SSC5D: variants seen among roughly 807,000 people sequenced by gnomAD.
SSC5D encodes soluble scavenger receptor cysteine-rich domain-containing protein SSC5D.
SSC5D carries 106 observed loss-of-function variants against 104.6 expected under a neutral mutation model. The ratio of observed to expected loss-of-function variants is 1.01; its 90% CI spans 0.87 to 1.19. The LOEUF is 1.19. SSC5D is among the 50% of genes most tolerant of loss of function. The pLI is 0.00. For missense variants in SSC5D, 1,993 were observed against 2,153.8 expected (o/e 0.93, Z 1.48); for synonymous variants, 860 against 883.5 (o/e 0.97, Z 0.47).
Position 55,490,851 on chromosome 19 carries a change from A to T in SSC5D, c.666A>T (p.Val222=). 1 of 1,547,068 alleles carries T rather than the reference A, an allele frequency of 6.5e-7. No individual in the cohort carries two copies. Among genetic ancestry groups the T allele is most frequent in the Admixed American group, 2.0e-5 (1 of 50,590 alleles). ...EVWHGGRWGT[V]CDDGWDLRDA... ...GGCACGGCGGGCGCTGGGGCACCGT[A>T]TGTGACGATGGCTGGGACCTGCGCG... Residue 222 remains valine (V), a synonymous_variant, in exon 6 of 14, where the codon GTA becomes GTT. Transcript: ENST00000389623.
rs1308989636 is a variant in SSC5D, at chr19:55,494,602, C to T, written c.1214-8C>T. On this transcript the variant is annotated splice_region_variant and splice_polypyrimidine_tract_variant and intron_variant, in intron 7 of 13. Coordinates refer to ENST00000389623, the MANE Select transcript of SSC5D (RefSeq NM_001144950.2). ...GTGGGTGGCAATCACTTACCCCCTG[C>T]TCCACAGGCATGCCCCTGGGCTACG... is the stretch of plus-strand genomic sequence containing the variant. 1 of 1,513,008 alleles carries T rather than the reference C, an allele frequency of 6.6e-7. No individual in the cohort carries two copies. Among genetic ancestry groups the T allele is most frequent in the Non-Finnish European group, 8.9e-7 (1 of 1,124,820 alleles). The allele number at this position is 1,513,008 out of a possible 1,614,324, so 93.7% of individuals were successfully genotyped here. A position where few individuals can be genotyped will look rare whatever the true frequency, so the allele number is the denominator to read the frequency against.
intron 6 of SSC5D, chr19:55,492,658 T>A (rs1380470716): frequency 1.3e-5 from 2 of 152,100 alleles, no homozygotes; most frequent in East Asian, 3.9e-4. Context: ...GGGGCAATTC[T>A]GCACCTGCCT....
Position 55,513,180 on chromosome 19 carries a change from A to C in SSC5D, c.2947+8A>C, listed in dbSNP as rs1434943060. 1.3e-6 allele frequency: 2 copies of C among 1,488,778 alleles called. No individual in the cohort carries two copies. Among genetic ancestry groups the C allele is most frequent in the African/African-American group, 1.4e-5 (1 of 71,146 alleles). 92.2% of individuals were successfully genotyped at this position (1,488,778 alleles called of 1,614,324 possible). ...GAGTCCATGGAGACACAGGTGAGAC[A>C]CGTGGCTGGGGTGAGGAGACTGGGA... On this transcript the variant is annotated splice_region_variant and intron_variant, in intron 13 of 13. Transcript: ENST00000389623.
intron 2 of SSC5D, 158 bp from the exon 3 acceptor site, chr19:55,489,194 ATC>A: frequency 3.0e-6 from 3 of 1,010,966 alleles, no homozygotes; most frequent in Non-Finnish European, 4.1e-6. Context: ...GTCTGGCCGC[ATC>A]TCTCTGAGCA....
chr19:55,494,528 A>G, intron 7 of SSC5D, 82 bp from the exon 8 acceptor site: 1 of 1,393,506 alleles, frequency 7.2e-7, no homozygotes, highest in Non-Finnish European at 9.5e-7. Context: ...AGGACTGAGG[A>G]AGGATGACGC....
intron 8 of SSC5D, among the ~76,000 whole-genome samples, chr19:55,497,190 C>G (rs1987347408): frequency 6.6e-6 from 1 of 152,226 alleles, no homozygotes; most frequent in Non-Finnish European, 1.5e-5. Flanking sequence ...CTCCCTTTAG[C>G]TCGCTGAGCT....
At chr19:55,498,304 G>A (rs1987382996) in intron 9 of SSC5D, 107 bp downstream of exon 9, 1 of 1,224,786 alleles carries the variant, frequency 8.2e-7, no homozygotes, top group Admixed American at 2.2e-5. Flanking sequence ...CCCCAGCCCT[G>A]TGCTGGGTGT....
rs765727100 is a variant in SSC5D, at chr19:55,490,320, C to T, written c.498C>T (p.Pro166=). 3.5e-6 allele frequency: 5 copies of T among 1,439,868 alleles called. No individual in the cohort carries two copies. Among genetic ancestry groups the T allele is most frequent in the Admixed American group, 4.0e-5 (2 of 49,420 alleles). 89.2% of individuals were successfully genotyped at this position (1,439,868 alleles called of 1,614,324 possible). A position where few individuals can be genotyped will look rare whatever the true frequency, so the allele number is the denominator to read the frequency against. ...VTHAPRPAGN[P]QNASRKKSPR... is the part of the protein sequence containing the mutation. ...CAGCCCCCCGCCCAGCTGGGAACCC[C>T]CAGAACGCCTCCCGGAAGAAGAGCC... Residue 166 remains proline (P), a synonymous_variant, in exon 5 of 14, where the codon CCC becomes CCT. Transcript: ENST00000389623.
intron 8 of SSC5D, among the ~76,000 whole-genome samples, chr19:55,495,562 T>C (rs1910242147): frequency 6.6e-6 from 1 of 151,138 alleles, no homozygotes; most frequent in Admixed American, 6.6e-5. Context: ...GGACTGTTGT[T>C]TTAAAATATA....
At chr19:55,495,369 C>T (rs1987299663) in intron 8 of SSC5D, among the ~76,000 whole-genome samples, 1 of 146,398 alleles carries the variant, frequency 6.8e-6, no homozygotes, top group South Asian at 2.2e-4. Context: ...CCCACCTCAG[C>T]TTCCCAAGTA....
intron 4 of SSC5D, 140 bp from the exon 5 acceptor site, chr19:55,490,158 G>GC (rs1467798123): frequency 1.0e-5 from 6 of 578,840 alleles, no homozygotes; most frequent in Admixed American, 3.0e-5. Context: ...CACACAGCCC[G>GC]CCCCCTGCCC....
intron 12 of SSC5D, among the ~76,000 whole-genome samples, chr19:55,507,514 C>T (rs552315792): frequency 2.0e-5 from 3 of 148,212 alleles, no homozygotes; most frequent in Non-Finnish European, 4.5e-5. Context: ...AAAATGCAAA[C>T]AATTAGCCGG....
chr19:55,517,246 C>A lies in SSC5D; in HGVS notation c.2970C>A (p.Pro990=), dbSNP rs915276884. The part of the protein sequence containing the change: ...GDTGSPRKPW[P]ERRPPRPAAT... ...CAGGTTCCCCGAGGAAACCGTGGCC[C>A]GAGCGCCGGCCACCGCGGCCCGCTG... The change falls in exon 14 of 14, where the codon CCC becomes CCA. Residue 990 remains proline, a synonymous_variant. Coordinates refer to ENST00000389623, the MANE Select transcript of SSC5D (RefSeq NM_001144950.2). 1.9e-6 allele frequency: 3 copies of A among 1,541,120 alleles called. No homozygotes were observed. The highest frequency in any genetic ancestry group is 2.0e-5 in the Admixed American group (1 of 50,890).
At chr19:55,490,162 C>T in intron 4 of SSC5D, 136 bp from the exon 5 acceptor site, 2 of 612,736 alleles carry the variant, frequency 3.3e-6, no homozygotes, top group South Asian at 3.9e-5. Context: ...CAGCCCGCCC[C>T]CTGCCCCGCC....
chr19:55,496,750 C>CTT (rs34304244), intron 8 of SSC5D, among the ~76,000 whole-genome samples: 4 of 139,798 alleles, frequency 2.9e-5, no homozygotes, highest in African/African-American at 8.0e-5. Flanking sequence ...TTTTACCAGT[C>CTT]TTTTTTTTTT....
In SSC5D at chr19:55,518,353, G is replaced by A. The variant is rs1987941925; in HGVS notation, c.4077G>A (p.Lys1359=). 1 of 1,549,712 alleles carries A rather than the reference G, an allele frequency of 6.5e-7. No individual in the cohort carries two copies. ...LSSPTLAPTV[K]PSLHPQLTFT... ...CTCCCACTCTAGCACCAACAGTCAAGCCCAGTCTGCACCCCCAGTTGACCT... is the reference window on the plus strand; with the variant it reads ...CTCCCACTCTAGCACCAACAGTCAAACCCAGTCTGCACCCCCAGTTGACCT... The change falls in exon 14 of 14, where the codon AAG becomes AAA. Residue 1359 remains lysine, a synonymous_variant. Transcript: ENST00000389623.
chr19:55,489,306 G>GC, intron 2 of SSC5D, 48 bp from the exon 3 acceptor site: 1 of 1,417,688 alleles, frequency 7.1e-7, no homozygotes, highest in Non-Finnish European at 9.2e-7. Flanking sequence ...TGGCCTTGGG[G>GC]CCCCCAGGAT....
chr19:55,490,431 C>A (rs1440228840), intron 5 of SSC5D, 23 bp downstream of exon 5: 5 of 606,874 alleles, frequency 8.2e-6, no homozygotes, highest in South Asian at 2.0e-5. Flanking sequence ...CAGGCTCCCC[C>A]GACCCCAAGG....
intron 8 of SSC5D, among the ~76,000 whole-genome samples, chr19:55,495,210 T>A (rs1987280033): frequency 1.2e-5 from 1 of 85,692 alleles, no homozygotes; most frequent in Non-Finnish European, 2.3e-5. Flanking sequence ...TCTGCCTGCC[T>A]CCTTTCATAT....
Sources: allele counts gnomAD v4.1 joint callset (sites outside exome capture counted in the v4.1 genomes callset), GRCh38; gene constraint gnomAD v4.1.1; transcripts MANE v1.5; gene names NCBI Gene and HGNC (gene_info 2026-07-23, HGNC 2026-07-21).